YTHDF3: variants seen among roughly 807,000 people sequenced by gnomAD.
YTHDF3 encodes YTH domain-containing family protein 3.
A neutral mutation model predicts 52.5 loss-of-function variants in YTHDF3; 9 were observed. The observed-to-expected ratio is 0.17, with a 90% CI of 0.10 to 0.30. The LOEUF (loss-of-function observed/expected upper bound fraction) is 0.30, where lower values mean the gene tolerates loss of function less well. Ranked by LOEUF, YTHDF3 falls within the 10% of genes least tolerant of loss-of-function variation. The probability of loss-of-function intolerance (pLI) is 1.00; values close to 1 mark genes in which losing one functional copy is unlikely to be tolerated. For synonymous variants in YTHDF3, 274 were observed against 243.3 expected (o/e 1.13, Z -1.18); for missense variants, 534 against 715.0 (o/e 0.75, Z 2.89).
At chr8:63,175,301 A>G (rs1360973713) in intron 2 of YTHDF3, 30 bp from the exon 3 acceptor site, 4 of 1,530,874 alleles carry the variant, frequency 2.6e-6, no homozygotes, top group African/African-American at 2.7e-5. Context: ...AAAGATAACT[A>G]CAACACTTCT....
chr8:63,201,417 T>G (rs1326060935), intron 4 of YTHDF3, among the ~76,000 whole-genome samples: 1 of 152,184 alleles, frequency 6.6e-6, no homozygotes, highest in Non-Finnish European at 1.5e-5. Context: ...CATAGGAAAT[T>G]ATGTGAATGC....
chr8:63,192,339 C>T (rs1808966311), intron 4 of YTHDF3, among the ~76,000 whole-genome samples: 1 of 152,164 alleles, frequency 6.6e-6, no homozygotes, highest in South Asian at 2.1e-4. Context: ...CCGTTTCTTT[C>T]ATTGCTGGAT....
chr8:63,194,877 G>T (rs760080727), intron 4 of YTHDF3, among the ~76,000 whole-genome samples: 1 of 152,156 alleles, frequency 6.6e-6, no homozygotes, highest in African/African-American at 2.4e-5. Context: ...TTACATTGAG[G>T]TCTATAGTTA....
intron 3 of YTHDF3, among the ~76,000 whole-genome samples, chr8:63,181,399 A>C (rs1198459764): frequency 6.6e-6 from 1 of 152,214 alleles, no homozygotes; most frequent in African/African-American, 2.4e-5. Flanking sequence ...TTATTATATG[A>C]ATGCCCTTAA....
At chr8:63,180,291 C>T (rs1360420363) in intron 3 of YTHDF3, among the ~76,000 whole-genome samples, 5 of 149,096 alleles carry the variant, frequency 3.4e-5, no homozygotes, top group Non-Finnish European at 7.4e-5. Flanking sequence ...CCTCACATCC[C>T]GGACGGGGCG....
Position 63,211,101 on chromosome 8 carries a change from C to T in YTHDF3, c.*1395C>T, listed in dbSNP as rs1810347427. 1 of 152,510 alleles carries T rather than the reference C, an allele frequency of 6.6e-6. No individual in the cohort carries two copies. The highest frequency in any genetic ancestry group is 6.5e-5 in the Admixed American group (1 of 15,282). The allele number at this position is 152,510 out of a possible 1,614,324, so 9.4% of individuals were successfully genotyped here. A position where few individuals can be genotyped will look rare whatever the true frequency, so the allele number is the denominator to read the frequency against. ...TTTACATCATGTTTAGAAATGTTTT[C>T]ATTTACTGTGGTCTTTGGTCACTTC... is the stretch of plus-strand genomic sequence containing the variant. On this transcript the variant is annotated 3_prime_UTR_variant, in exon 5 of 5. Coordinates refer to ENST00000539294, the MANE Select transcript of YTHDF3 (RefSeq NM_152758.6).
Position 63,187,104 on chromosome 8 carries a change from A to C in YTHDF3, c.1093A>C (p.Asn365His), listed in dbSNP as rs755530257. The change falls in exon 4 of 5, where the codon AAC (asparagine) becomes CAC (histidine). Residue 365 changes from asparagine to histidine, a missense_variant. Asn to His is a moderately conservative substitution (Grantham distance 68). Around this residue, in one of 3 missense-constraint regions of YTHDF3, gnomAD observed 203 missense variants for 201.3 expected, o/e 1.01. Transcript: ENST00000539294. ...TCCTCGTAACAGGGGAGCAGGCTTC[A>C]ACCAGAACAATGGAGCGGGCAGTGA... ...VAPRNRGAGF[N>H]QNNGAGSENF... 1.9e-6 allele frequency: 3 copies of C among 1,613,890 alleles called. No individual in the cohort carries two copies. The highest frequency in any genetic ancestry group is 1.1e-5 in the South Asian group (1 of 91,070).
intron 4 of YTHDF3, among the ~76,000 whole-genome samples, chr8:63,207,862 A>G (rs1286536657): frequency 6.6e-6 from 1 of 152,106 alleles, no homozygotes; most frequent in African/African-American, 2.4e-5. Context: ...TTCTCTATGT[A>G]TTTTGTATCT....
At chr8:63,169,291 C>T (rs1341622049) in intron 1 of YTHDF3, 96 bp from the exon 2 acceptor site, 2 of 1,486,710 alleles carry the variant, frequency 1.3e-6, no homozygotes, top group Non-Finnish European at 1.8e-6. Flanking sequence ...CGCGGATAGT[C>T]TAAAATAACT....
chr8:63,189,124 C>G (rs1808746719), intron 4 of YTHDF3: 2 of 152,122 alleles, frequency 1.3e-5, no homozygotes, highest in South Asian at 2.1e-4. Flanking sequence ...GTTATATACC[C>G]TCTGTAAGAT....
At chr8:63,169,226 T>G (rs1323580204) in intron 1 of YTHDF3, 161 bp from the exon 2 acceptor site, 1 of 1,300,232 alleles carries the variant, frequency 7.7e-7, no homozygotes, top group Admixed American at 2.7e-5. Flanking sequence ...GTTTAAAGGC[T>G]GGGGGTGGTT....
At chr8:63,202,536 A>G (rs969546382) in intron 4 of YTHDF3, among the ~76,000 whole-genome samples, 2 of 149,390 alleles carry the variant, frequency 1.3e-5, no homozygotes, top group Middle Eastern at 3.5e-3. Context: ...ATCTTGGCTC[A>G]CTGCAACCTC....
At chr8:63,192,559 AG>A (rs1808979769) in intron 4 of YTHDF3, among the ~76,000 whole-genome samples, 1 of 152,128 alleles carries the variant, frequency 6.6e-6, no homozygotes, top group Admixed American at 6.5e-5. Flanking sequence ...GTTAGCATAT[AG>A]GGTACCATGT....
rs2150374547 is a variant in YTHDF3 at position 63,187,394 on chromosome 8, C to G, written c.1383C>G (p.Leu461=). The G allele has an allele frequency of 1.2e-6, 2 of 1,614,032 alleles. No individual in the cohort carries two copies. Among genetic ancestry groups the G allele is most frequent in the Non-Finnish European group, 1.7e-6 (2 of 1,179,900 alleles). Residue 461 remains leucine (L), a synonymous_variant, in exon 4 of 5, where the codon CTC becomes CTG. Coordinates refer to ENST00000539294, the MANE Select transcript of YTHDF3 (RefSeq NM_152758.6). The part of the protein sequence containing the change: ...AYRSLNGKGP[L]YLLFSVNGSG... Reference sequence around the variant, plus strand: ...GTTCCCTGAATGGGAAAGGCCCACTCTATTTACTCTTCAGTGTGAATGGCA... The same window carrying G: ...GTTCCCTGAATGGGAAAGGCCCACTGTATTTACTCTTCAGTGTGAATGGCA...
chr8:63,175,593 C>T lies in YTHDF3; in HGVS notation c.135+177C>T. The stretch of plus-strand genomic sequence containing the variant: ...AGATTTATGGCACAGGAGAGTTCTT[C>T]TTCAGAAAGTATAGGCACCAGAAAC... On this transcript the variant is annotated intron_variant, in intron 3 of 4. Coordinates refer to ENST00000539294, the MANE Select transcript of YTHDF3 (RefSeq NM_152758.6). 4 of 504,940 alleles carry T rather than the reference C, an allele frequency of 7.9e-6. 1 individual carries two copies. The South Asian group carries it at 9.1e-5, about 12-fold the overall frequency. 31.3% of individuals were successfully genotyped at this position (504,940 alleles called of 1,614,324 possible). A position where few individuals can be genotyped will look rare whatever the true frequency, so the allele number is the denominator to read the frequency against.
At chr8:63,168,986 C>G (rs1338023509) in intron 1 of YTHDF3, 85 bp downstream of exon 1, 1 of 1,512,668 alleles carries the variant, frequency 6.6e-7, no homozygotes, top group African/African-American at 1.5e-5. Flanking sequence ...CTCCCCGTCG[C>G]CGCCGCTGCC....
chr8:63,182,769 A>C (rs1325392053), intron 3 of YTHDF3, among the ~76,000 whole-genome samples: 1 of 152,106 alleles, frequency 6.6e-6, no homozygotes, highest in Non-Finnish European at 1.5e-5. Flanking sequence ...TCCATGTGGG[A>C]TTTATCTACT....
intron 3 of YTHDF3, 118 bp from the exon 4 acceptor site, chr8:63,186,029 A>T (rs1370735039): frequency 3.6e-6 from 4 of 1,107,030 alleles, no homozygotes; most frequent in Non-Finnish European, 5.0e-6. Flanking sequence ...GTTTATCTAG[A>T]ATAGGTACAT....
chr8:63,191,775 A>G (rs1808927956), intron 4 of YTHDF3, among the ~76,000 whole-genome samples: 2 of 152,108 alleles, frequency 1.3e-5, no homozygotes, highest in South Asian at 4.1e-4. Context: ...TAAGATGTTT[A>G]TCTTTCACTC....
Sources: gnomAD v4.1 joint callset for allele counts (sites outside exome capture counted in the v4.1 genomes callset) on GRCh38, gnomAD v4.1.1 for gene constraint, gnomAD v4.1.1 regional missense constraint, MANE v1.5 for transcripts, NCBI Gene and HGNC (gene_info 2026-07-23, HGNC 2026-07-21) for gene names.